The following MAPKAPK2 variants were observed in gnomAD, a reference collection of about 807,000 sequenced individuals.
MAPKAPK2 encodes the protein MAPK activated protein kinase 2.
In MAPKAPK2, 9 loss-of-function variants were observed where a neutral mutation model predicts 48.8. That is an observed-to-expected ratio of 0.18 (90% CI 0.11 to 0.32). The LOEUF is 0.32. MAPKAPK2 is among the 10% of genes least tolerant of loss of function. MAPKAPK2 has a pLI of 1.00. For missense variants in MAPKAPK2, 331 were observed against 498.3 expected, an observed-to-expected ratio of 0.66 and a Z score of 3.20; for synonymous variants, 202 against 190.6, an observed-to-expected ratio of 1.06 and a Z score of -0.49.
intron 1 of MAPKAPK2, among the ~76,000 whole-genome samples, chr1:206,725,716 C>A (rs566193049): frequency 6.6e-6 from 1 of 152,150 alleles, no homozygotes; most frequent in African/African-American, 2.4e-5. Context: ...AATCTGACAA[C>A]TTTGATTCTT....
intron 1 of MAPKAPK2, among the ~76,000 whole-genome samples, chr1:206,693,378 G>T (rs1553426544): frequency 1.3e-5 from 2 of 151,988 alleles, no homozygotes; most frequent in Non-Finnish European, 2.9e-5. Flanking sequence ...TCCAGCCTGA[G>T]CTTGGTAGGT....
intron 4 of MAPKAPK2, 69 bp downstream of exon 4, chr1:206,729,544 A>G: frequency 7.3e-7 from 1 of 1,361,286 alleles, no homozygotes; most frequent in Non-Finnish European, 1.0e-6. Flanking sequence ...GCCACCCCAG[A>G]GATGGTTGCC....
rs140022471 is a variant in MAPKAPK2, at chr1:206,685,427, C to T, written c.198C>T (p.Thr66=). 538 of 1,548,420 alleles carry T rather than the reference C, an allele frequency of 3.5e-4. 2 individuals carry two copies. In the African/African-American group the frequency reaches 7.1e-3, roughly 20 times the overall value. Residue 66 remains threonine, a synonymous_variant, in exon 1 of 10, where the codon ACC becomes ACT. Coordinates refer to ENST00000367103, the MANE Select transcript of MAPKAPK2 (RefSeq NM_032960.4). ...KNAIIDDYKV[T]SQVLGLGING... ...CCATCATCGATGACTACAAGGTCACCAGCCAGGTCCTGGGGCTGGGCATCA... is the reference window on the plus strand; with the variant it reads ...CCATCATCGATGACTACAAGGTCACTAGCCAGGTCCTGGGGCTGGGCATCA...
intron 1 of MAPKAPK2, among the ~76,000 whole-genome samples, chr1:206,708,657 A>G (rs1386313976): frequency 6.6e-6 from 1 of 152,198 alleles, no homozygotes; most frequent in Non-Finnish European, 1.5e-5. Flanking sequence ...CACAACTCTT[A>G]AGGTATCACC....
chr1:206,719,066 C>G (rs1307004997), intron 1 of MAPKAPK2, among the ~76,000 whole-genome samples: 1 of 152,134 alleles, frequency 6.6e-6, no homozygotes, highest in East Asian at 1.9e-4. Flanking sequence ...TTCCATTCAG[C>G]CATCTGTGTT....
chr1:206,713,848 A>G (rs1673235281), intron 1 of MAPKAPK2, among the ~76,000 whole-genome samples: 1 of 152,218 alleles, frequency 6.6e-6, no homozygotes, highest in Admixed American at 6.5e-5. Context: ...CCTGGGGGAC[A>G]GAATGAGACC....
rs1673969206 is a variant in MAPKAPK2 at position 206,732,793 on chromosome 1, A to T, written c.*75A>T. The T allele has an allele frequency of 3.3e-6, 5 of 1,533,284 alleles. No individual in the cohort carries two copies. Among genetic ancestry groups the T allele is most frequent in the Non-Finnish European group, 4.5e-6 (5 of 1,121,910 alleles). 95.0% of individuals were successfully genotyped at this position (1,533,284 alleles called of 1,614,324 possible). A position where few individuals can be genotyped will look rare whatever the true frequency, so the allele number is the denominator to read the frequency against. Reference sequence around the variant, plus strand: ...GAATATATTTTTTAAACGAAGAGACAGAACTGTCCACATCTGCCTCCTCTC... The same window carrying T: ...GAATATATTTTTTAAACGAAGAGACTGAACTGTCCACATCTGCCTCCTCTC... On this transcript the variant is annotated 3_prime_UTR_variant, in exon 10 of 10. Transcript: ENST00000367103. The surrounding 1 kb of genome is among the most constrained non-coding windows in gnomAD (Gnocchi z 4.4).
chr1:206,693,999 C>A (rs377111211), intron 1 of MAPKAPK2, among the ~76,000 whole-genome samples: 2 of 152,154 alleles, frequency 1.3e-5, no homozygotes, highest in East Asian at 3.9e-4. Context: ...GAGGTGTGGC[C>A]TCTTCCTCTA....
rs1274493676 is a variant in MAPKAPK2, at chr1:206,696,157, T to C, written c.279+10649T>C. On this transcript the variant is annotated intron_variant, in intron 1 of 9. Transcript: ENST00000367103. ...ATCAGTGACATGGACAAAAGTGTCA[T>C]TGAAGGATGCAAAGATATGGCAGAC... is the stretch of plus-strand genomic sequence containing the variant. The C allele has an allele frequency of 9.6e-6, 15 of 1,567,426 alleles. No homozygotes were observed. In the African/African-American group the frequency reaches 1.4e-4, roughly 14 times the overall value.
intron 1 of MAPKAPK2, among the ~76,000 whole-genome samples, chr1:206,698,046 C>T (rs990754799): frequency 2.6e-5 from 4 of 152,264 alleles, no homozygotes; most frequent in Admixed American, 6.5e-5. Flanking sequence ...AACAAGTGGT[C>T]GGCCTGGGTC....
chr1:206,729,352 C>T (rs782772975), intron 3 of MAPKAPK2, 44 bp from the exon 4 acceptor site: 2 of 1,517,766 alleles, frequency 1.3e-6, no homozygotes, highest in Non-Finnish European at 9.2e-7. Context: ...AATGATGTGT[C>T]TTTGTGACTT....
chr1:206,718,407 C>T (rs1553430724), intron 1 of MAPKAPK2, among the ~76,000 whole-genome samples: 1 of 152,014 alleles, frequency 6.6e-6, no homozygotes, highest in Non-Finnish European at 1.5e-5. Flanking sequence ...TGGTGGGCGC[C>T]TGTAGTCCCA....
At chr1:206,700,166 T>C (rs2102384887) in intron 1 of MAPKAPK2, among the ~76,000 whole-genome samples, 1 of 152,284 alleles carries the variant, frequency 6.6e-6, no homozygotes, top group East Asian at 1.9e-4. Flanking sequence ...ATCCACACTT[T>C]CCACTCTCCT....
intron 1 of MAPKAPK2, among the ~76,000 whole-genome samples, chr1:206,709,509 G>C (rs1175634391): frequency 1.3e-5 from 2 of 152,062 alleles, no homozygotes; most frequent in African/African-American, 2.4e-5. Context: ...TAACTTTTTG[G>C]CAGCCACGTC....
rs782465450 is a variant in MAPKAPK2 at position 206,731,097 on chromosome 1, C to T, written c.768-41C>T. On this transcript the variant is annotated intron_variant, in intron 6 of 9. Coordinates refer to ENST00000367103, the MANE Select transcript of MAPKAPK2 (RefSeq NM_032960.4). This position sits in a 1 kb window ranked among gnomAD's most constrained non-coding sequence, Gnocchi z 5.9. Reference sequence around the variant, plus strand: ...TTCCTGGTACAGGGCCACTAAGTGACAGCTGTTCTGTCTCCCACTTCCTTC... The same window carrying T: ...TTCCTGGTACAGGGCCACTAAGTGATAGCTGTTCTGTCTCCCACTTCCTTC... 7.4e-6 allele frequency: 12 copies of T among 1,613,886 alleles called. No homozygotes were observed. Among genetic ancestry groups the T allele is most frequent in the African/African-American group, 1.3e-5 (1 of 75,044 alleles).
At chr1:206,717,552 C>T (rs1373443056) in intron 1 of MAPKAPK2, among the ~76,000 whole-genome samples, 5 of 152,160 alleles carry the variant, frequency 3.3e-5, no homozygotes, top group African/African-American at 1.2e-4. Context: ...CCTCTGCTCG[C>T]TCCTTATCAA....
At chr1:206,713,653 G>A (rs1456370347) in intron 1 of MAPKAPK2, among the ~76,000 whole-genome samples, 2 of 152,144 alleles carry the variant, frequency 1.3e-5, no homozygotes, top group Non-Finnish European at 2.9e-5. Context: ...GATCACTTGA[G>A]GTCAGGAGAT....
At chr1:206,716,975 G>T (rs1268402086) in intron 1 of MAPKAPK2, among the ~76,000 whole-genome samples, 2 of 152,142 alleles carry the variant, frequency 1.3e-5, no homozygotes, top group African/African-American at 2.4e-5. Context: ...CATTTAATTG[G>T]TAAGTGTTTA....
intron 1 of MAPKAPK2, among the ~76,000 whole-genome samples, chr1:206,689,346 G>A (rs1672382039): frequency 1.3e-5 from 2 of 152,148 alleles, no homozygotes; most frequent in African/African-American, 4.8e-5. Context: ...GCTGTTGGAG[G>A]GAAATGCCAG....
Sources: allele counts gnomAD v4.1 joint callset (sites outside exome capture counted in the v4.1 genomes callset), GRCh38; gene constraint gnomAD v4.1.1; non-coding constraint Gnocchi (gnomAD v3.1); transcripts MANE v1.5; gene names NCBI Gene and HGNC (gene_info 2026-07-23, HGNC 2026-07-21).